TCF12: variants seen among roughly 807,000 people sequenced by gnomAD.
TCF12 encodes transcription factor 12.
A neutral mutation model predicts 86.0 loss-of-function variants in TCF12; 45 were observed. That is an observed-to-expected ratio of 0.52 (90% CI 0.41 to 0.67). The LOEUF (loss-of-function observed/expected upper bound fraction) is 0.67. Among genes scored for constraint, TCF12 ranks in the 30% least tolerant of loss-of-function variants. TCF12 has a pLI of 0.00. For missense variants in TCF12, 881 were observed against 859.9 expected, an observed-to-expected ratio of 1.02 and a Z score of -0.31; for synonymous variants, 330 against 299.6, an observed-to-expected ratio of 1.10 and a Z score of -1.05.
At chr15:57,107,764 C>T (rs1226616972) in intron 5 of TCF12, among the ~76,000 whole-genome samples, 4 of 151,864 alleles carry the variant, frequency 2.6e-5, no homozygotes, top group Non-Finnish European at 5.9e-5. Context: ...AAGAAATGAG[C>T]TGGGTTGGTG....
chr15:56,984,041 G>C (rs2063037335), intron 3 of TCF12, among the ~76,000 whole-genome samples: 1 of 124,822 alleles, frequency 8.0e-6, no homozygotes, highest in South Asian at 2.6e-4. Context: ...TTGGATCAAG[G>C]ATTATTGACC....
upstream of TCF12, chr15:56,918,365 C>T: frequency 2.5e-6 from 1 of 393,110 alleles, no homozygotes; most frequent in Non-Finnish European, 5.2e-6. Context: ...CGGTACCTGC[C>T]ACCCCGCTCC....
chr15:56,939,967 GTTTTTTTTTT>G (rs67832685), intron 3 of TCF12, among the ~76,000 whole-genome samples: 25,069 of 105,094 alleles, frequency 0.24, 2,770 homozygotes, highest in Admixed American at 0.3. Flanking sequence ...TTAATAGCGT[GTTTTTTTTTT>G]TTTTTTTTTT....
At chr15:57,035,906 A>G (rs1263907208) in intron 3 of TCF12, among the ~76,000 whole-genome samples, 1 of 152,190 alleles carries the variant, frequency 6.6e-6, no homozygotes, top group East Asian at 1.9e-4. Flanking sequence ...CTCCCAGATC[A>G]GCAGCGGCAT....
chr15:57,282,061 GTC>G (rs1393350050), intron 19 of TCF12: 10 of 264,764 alleles, frequency 3.8e-5, no homozygotes, highest in African/African-American at 1.9e-4. Flanking sequence ...AAGCACAGGT[GTC>G]TCTCTCTAAG....
At chr15:56,941,685 C>CTTTTT (rs111353408) in intron 3 of TCF12, among the ~76,000 whole-genome samples, 1 of 143,358 alleles carries the variant, frequency 7.0e-6, no homozygotes, top group Non-Finnish European at 1.5e-5. Flanking sequence ...TCTTCTTCTT[C>CTTTTT]TTTTTTTTTT....
Position 56,970,503 on chromosome 15 carries a change from CAAG to C in TCF12, c.148+49407_148+49409del, listed in dbSNP as rs2062249444. 2.2e-4 allele frequency among the ~76,000 whole-genome samples: 19 copies of C among 85,038 alleles called. 1 individual carries two copies. Among genetic ancestry groups the C allele is most frequent in the Middle Eastern group, 0.019 (2 of 104 alleles). The allele number at this position is 85,038 out of a possible 152,430, so 55.8% of individuals were successfully genotyped here. A position where few individuals can be genotyped will look rare whatever the true frequency, so the allele number is the denominator to read the frequency against. ...TCAAAAAAAAAAAAAAAAAAAAAAA[CAAG>C]ATTACTATCTTTGGCCCATTAAATG... is the stretch of plus-strand genomic sequence containing the variant. On this transcript the variant is annotated intron_variant, in intron 3 of 20. Coordinates refer to ENST00000333725, the MANE Select transcript of TCF12 (RefSeq NM_207037.2).
intron 3 of TCF12, among the ~76,000 whole-genome samples, chr15:56,967,842 T>A (rs1393031992): frequency 3.3e-5 from 5 of 152,190 alleles, no homozygotes; most frequent in Non-Finnish European, 7.3e-5. Flanking sequence ...ATAGTAGAAT[T>A]TCCAGAAAAG....
intron 12 of TCF12, among the ~76,000 whole-genome samples, chr15:57,238,026 G>A (rs1451095633): frequency 1.3e-5 from 2 of 152,136 alleles, no homozygotes; most frequent in African/African-American, 4.8e-5. Context: ...GAAAAGTATT[G>A]ATAACAATTC....
At position 57,251,379 on chromosome 15, in the gene TCF12, C is replaced by T; in HGVS notation, c.1144C>T (p.Gln382Ter). ...CAGTCAGTGGCCAAGACCTGGAGGG[C>T]AAGCACCTTCATCCCCAAGCTATGA... is the stretch of plus-strand genomic sequence containing the variant. ...GTSQWPRPGGQAPSSPSYENS... is the reference protein window; with the variant it reads ...GTSQWPRPGG The change falls in exon 14 of 21, where the codon CAA becomes TAA. Residue 382 changes from glutamine (Q) to a stop codon, truncating the protein, a stop_gained. Transcript: ENST00000333725. LOFTEE classifies it high-confidence loss of function. 1 of 1,613,928 alleles carries T rather than the reference C, an allele frequency of 6.2e-7. No homozygotes were observed. The highest frequency in any genetic ancestry group is 8.5e-7 in the Non-Finnish European group (1 of 1,179,892).
intron 5 of TCF12, among the ~76,000 whole-genome samples, chr15:57,147,951 G>T (rs1391399242): frequency 6.7e-6 from 1 of 150,314 alleles, no homozygotes; most frequent in Non-Finnish European, 1.5e-5. Flanking sequence ...TGTGGTCATA[G>T]CTCATTTCAG....
At chr15:57,077,570 G>T (rs1348518497) in intron 4 of TCF12, among the ~76,000 whole-genome samples, 1 of 151,062 alleles carries the variant, frequency 6.6e-6, no homozygotes, top group African/African-American at 2.4e-5. Context: ...TGGATTACAG[G>T]CTGCCGCCAC....
intron 3 of TCF12, among the ~76,000 whole-genome samples, chr15:57,054,880 A>AT (rs1476899507): frequency 6.9e-6 from 1 of 145,708 alleles, no homozygotes; most frequent in Non-Finnish European, 1.5e-5. Context: ...GCCACTTCAC[A>AT]TAAAAGGCAG....
chr15:57,085,123 C>T (rs1206997841), intron 4 of TCF12, among the ~76,000 whole-genome samples: 1 of 152,152 alleles, frequency 6.6e-6, no homozygotes, highest in Admixed American at 6.5e-5. Context: ...TATAAAACTA[C>T]TTAGCATTCA....
intron 5 of TCF12, among the ~76,000 whole-genome samples, chr15:57,156,986 A>G (rs1486453902): frequency 1.3e-5 from 2 of 152,222 alleles, no homozygotes; most frequent in African/African-American, 4.8e-5. Flanking sequence ...ACTGAGATAC[A>G]TTAATGTCAG....
chr15:57,159,852 T>C (rs1274143057), intron 5 of TCF12, among the ~76,000 whole-genome samples: 1 of 152,250 alleles, frequency 6.6e-6, no homozygotes, highest in Non-Finnish European at 1.5e-5. Flanking sequence ...TATTCTATTT[T>C]GTACTGTTGT....
At position 57,164,895 on chromosome 15, in the gene TCF12, G is replaced by T. The variant is rs141294013; in HGVS notation, c.326-1507G>T. Among the ~76,000 whole-genome samples the T allele has an allele frequency of 1.7e-3, 263 of 152,264 alleles. 1 individual carries two copies. The highest frequency in any genetic ancestry group is 5.9e-3 in the African/African-American group (246 of 41,544). ...GAGGTTTCACCATTTTGGCCACGCTGGTCTTGAACTCCTGACCTCAGGTTA... is the reference window on the plus strand; with the variant it reads ...GAGGTTTCACCATTTTGGCCACGCTTGTCTTGAACTCCTGACCTCAGGTTA... On this transcript the variant is annotated intron_variant, in intron 5 of 20. Transcript: ENST00000333725.
At chr15:56,963,360 T>TA (rs1248197007) in intron 3 of TCF12, among the ~76,000 whole-genome samples, 2 of 152,220 alleles carry the variant, frequency 1.3e-5, no homozygotes. Flanking sequence ...TATTAGCAGA[T>TA]ACGTTCTTTA....
chr15:56,941,996 A>C (rs1212726684), intron 3 of TCF12, among the ~76,000 whole-genome samples: 1 of 152,140 alleles, frequency 6.6e-6, no homozygotes, highest in Non-Finnish European at 1.5e-5. Context: ...TACCTCTGAA[A>C]TATAGAATAT....
Sources: gnomAD v4.1 joint callset for allele counts (sites outside exome capture counted in the v4.1 genomes callset) on GRCh38, gnomAD v4.1.1 for gene constraint, MANE v1.5 for transcripts, NCBI Gene and HGNC (gene_info 2026-07-23, HGNC 2026-07-21) for gene names.